CSMD1: variants seen among roughly 807,000 people sequenced by gnomAD.
CSMD1 encodes CUB and Sushi multiple domains 1, also known as CUB and sushi domain-containing protein 1.
Under a neutral mutation model 417.5 loss-of-function variants are expected in CSMD1, and 213 were observed. That is an observed-to-expected ratio of 0.51 (90% CI 0.46 to 0.57). CSMD1 has a LOEUF of 0.57. CSMD1 is among the 20% of genes least tolerant of loss of function. The pLI is 0.00. For missense variants in CSMD1, 6,923 were observed against 4,529.7 expected, an observed-to-expected ratio of 1.53 and a Z score of -15.17; for synonymous variants, 2,862 against 1,736.8, an observed-to-expected ratio of 1.65 and a Z score of -16.11.
At chr8:3,166,069 T>G (rs1820191171) in intron 37 of CSMD1, among the ~76,000 whole-genome samples, 1 of 152,130 alleles carries the variant, frequency 6.6e-6, no homozygotes, top group South Asian at 2.1e-4. Context: ...AAATATGATA[T>G]GATAGGAAGT....
intron 41 of CSMD1, among the ~76,000 whole-genome samples, chr8:3,139,114 G>A (rs913367489): frequency 2.0e-5 from 3 of 152,066 alleles, no homozygotes; most frequent in Non-Finnish European, 4.4e-5. Flanking sequence ...GCTCAGCTTC[G>A]GGCACATGTT....
chr8:4,386,171 T>C lies in CSMD1; in HGVS notation c.415+33782A>G, dbSNP rs185623986. Among the ~76,000 whole-genome samples, 45 of 152,070 alleles carry C rather than the reference T, an allele frequency of 3.0e-4. No homozygotes were observed. The East Asian group carries it at 6.4e-3, about 22-fold the overall frequency. ...TATGACTTCCATCCCACTCAAACAA[T>C]ACACACTATCAGACATTCTCCTACC... is the stretch of plus-strand genomic sequence containing the variant. On this transcript the variant is annotated intron_variant, in intron 3 of 69. Coordinates refer to ENST00000635120, the MANE Select transcript of CSMD1 (RefSeq NM_033225.6).
intron 5 of CSMD1, among the ~76,000 whole-genome samples, chr8:3,810,435 C>T (rs184603110): frequency 1.1e-4 from 17 of 152,054 alleles, no homozygotes; most frequent in African/African-American, 3.6e-4. Context: ...AAGAAGGGAT[C>T]GAAGGGAGCA....
intron 5 of CSMD1, among the ~76,000 whole-genome samples, chr8:3,994,716 AC>A (rs1372169675): frequency 6.6e-6 from 1 of 152,194 alleles, no homozygotes; most frequent in Non-Finnish European, 1.5e-5. Flanking sequence ...TAATTTTGGC[AC>A]ATGACATCAT....
At chr8:3,913,875 T>C (rs1010802112) in intron 5 of CSMD1, among the ~76,000 whole-genome samples, 6 of 152,006 alleles carry the variant, frequency 3.9e-5, no homozygotes, top group African/African-American at 1.4e-4. Context: ...ATATAATTTA[T>C]GATTACCTCG....
At chr8:3,990,187 A>C (rs1814638166) in intron 5 of CSMD1, among the ~76,000 whole-genome samples, 2 of 152,268 alleles carry the variant, frequency 1.3e-5, no homozygotes, top group South Asian at 4.1e-4. Context: ...ATACAAAAAG[A>C]AAGAAGTGTG....
intron 7 of CSMD1, among the ~76,000 whole-genome samples, chr8:3,636,390 C>T (rs896808321): frequency 6.6e-6 from 1 of 152,084 alleles, no homozygotes. Context: ...GTTGGCTAGG[C>T]TGGTCTCAGA....
At chr8:3,626,631 A>G (rs1796504541) in intron 7 of CSMD1, among the ~76,000 whole-genome samples, 1 of 151,586 alleles carries the variant, frequency 6.6e-6, no homozygotes, top group African/African-American at 2.4e-5. Flanking sequence ...CCCCACAGAA[A>G]GTTTCTTTTT....
At chr8:4,349,342 G>A (rs1254753818) in intron 3 of CSMD1, among the ~76,000 whole-genome samples, 3 of 152,184 alleles carry the variant, frequency 2.0e-5, no homozygotes, top group South Asian at 2.1e-4. Flanking sequence ...AGTATAAGAT[G>A]TAGGTGTTAT....
At position 3,188,906 on chromosome 8, in the gene CSMD1, G is replaced by C; in HGVS notation, c.5504C>G (p.Thr1835Arg). Residue 1835 changes from threonine to arginine, a missense_variant, in exon 35 of 70, where the codon ACG becomes AGG. Transcript: ENST00000635120. ...ACTCACCTGAATTCCCGAGCCCTCC[G>C]TAACTATGATCTTCCATATACAGTT... is the stretch of plus-strand genomic sequence containing the variant. ...NLNCIWKIIV[T>R]EGSGIQIQVI... The C allele has an allele frequency of 1.9e-6, 3 of 1,586,970 alleles. No individual in the cohort carries two copies. The highest frequency in any genetic ancestry group is 2.6e-6 in the Non-Finnish European group (3 of 1,166,284).
chr8:4,723,493 C>A (rs907944970), intron 1 of CSMD1, among the ~76,000 whole-genome samples: 1 of 152,110 alleles, frequency 6.6e-6, no homozygotes, highest in African/African-American at 2.4e-5. Context: ...CCTGACAACA[C>A]GTCCATTTTG....
intron 1 of CSMD1, among the ~76,000 whole-genome samples, chr8:4,985,029 C>A (rs1156822620): frequency 6.6e-6 from 1 of 152,114 alleles, no homozygotes; most frequent in Non-Finnish European, 1.5e-5. Context: ...TACCATGCAG[C>A]CATAAAAAAG....
intron 6 of CSMD1, among the ~76,000 whole-genome samples, chr8:3,712,709 T>A (rs1402247296): frequency 6.6e-6 from 1 of 152,172 alleles, no homozygotes; most frequent in African/African-American, 2.4e-5. Flanking sequence ...TGAGTTTCTG[T>A]TTTGTTTTAT....
chr8:3,659,474 G>T lies in CSMD1; in HGVS notation c.1010-42677C>A, dbSNP rs140037624. On this transcript the variant is annotated intron_variant, in intron 7 of 69. Transcript: ENST00000635120. ...GTTTTCAAATCTCCGAAACACAGAA[G>T]CAGATGCGTTTCACTTAGCCAAGGT... Among the ~76,000 whole-genome samples, 58 of 152,270 alleles carry T rather than the reference G, an allele frequency of 3.8e-4. 1 individual carries two copies. The East Asian group carries it at 0.01, about 26-fold the overall frequency.
intron 6 of CSMD1, among the ~76,000 whole-genome samples, chr8:3,721,387 G>A (rs1384800651): frequency 6.6e-6 from 1 of 152,098 alleles, no homozygotes; most frequent in African/African-American, 2.4e-5. Flanking sequence ...CTCTAGCCCA[G>A]GTTTTTAGGA....
intron 5 of CSMD1, among the ~76,000 whole-genome samples, chr8:3,762,070 A>T (rs1290655507): frequency 1.3e-5 from 2 of 152,058 alleles, no homozygotes; most frequent in Admixed American, 1.3e-4. Flanking sequence ...ATGAAAAAAT[A>T]ATTTCTAGTC....
intron 3 of CSMD1, among the ~76,000 whole-genome samples, chr8:4,241,380 A>C (rs1802387550): frequency 6.6e-6 from 1 of 152,150 alleles, no homozygotes; most frequent in Admixed American, 6.5e-5. Context: ...CCTCAGGGAA[A>C]CCCTTCCCAC....
At chr8:4,184,932 G>A (rs1798577485) in intron 3 of CSMD1, among the ~76,000 whole-genome samples, 1 of 150,660 alleles carries the variant, frequency 6.6e-6, no homozygotes, top group Admixed American at 6.6e-5. Context: ...GAGGTCAGGA[G>A]TTCAAGACCA....
chr8:4,191,299 G>A (rs552742542), intron 3 of CSMD1, among the ~76,000 whole-genome samples: 118 of 152,224 alleles, frequency 7.8e-4, no homozygotes, highest in Middle Eastern at 3.4e-3. Context: ...GGGAGGCTGA[G>A]GCAGGAGAAT....
Sources: allele counts gnomAD v4.1 joint callset (sites outside exome capture counted in the v4.1 genomes callset), GRCh38; gene constraint gnomAD v4.1.1; transcripts MANE v1.5; gene names NCBI Gene and HGNC (gene_info 2026-07-23, HGNC 2026-07-21).